The following UBXN2B variants were observed in gnomAD, a reference collection of about 807,000 sequenced individuals.
UBXN2B encodes UBX domain protein 2B.
Under a neutral mutation model 37.5 loss-of-function variants are expected in UBXN2B, and 19 were observed. The observed-to-expected ratio is 0.51, with a 90% CI of 0.35 to 0.74. The LOEUF (loss-of-function observed/expected upper bound fraction) is 0.74, where lower values mean the gene tolerates loss of function less well. Ranked by LOEUF, UBXN2B falls within the 30% of genes least tolerant of loss-of-function variation. The probability of loss-of-function intolerance (pLI) is 0.01; values close to 1 mark genes in which losing one functional copy is unlikely to be tolerated. For synonymous variants in UBXN2B, 145 were observed against 143.8 expected (o/e 1.01, Z -0.06); for missense variants, 370 against 393.2 (o/e 0.94, Z 0.50).
At chr8:58,411,564 G>T (rs955874024) in intron 1 of UBXN2B, 95 bp downstream of exon 1, 1 of 1,052,232 alleles carries the variant, frequency 9.5e-7, no homozygotes, top group Non-Finnish European at 1.2e-6. Flanking sequence ...TGGCCTCGGC[G>T]GAGCCTTTCC....
chr8:58,427,336 G>A (rs557089155), intron 2 of UBXN2B, among the ~76,000 whole-genome samples: 14 of 152,282 alleles, frequency 9.2e-5, no homozygotes, highest in South Asian at 6.2e-4. Flanking sequence ...GGTGGTGCAC[G>A]CCTGTAGTCC....
intron 2 of UBXN2B, among the ~76,000 whole-genome samples, chr8:58,427,684 T>A (rs2129604073): frequency 6.6e-6 from 1 of 152,324 alleles, no homozygotes; most frequent in Non-Finnish European, 1.5e-5. Flanking sequence ...TAGAAATAGC[T>A]TCAGTTTTGG....
rs374920300 is a variant in UBXN2B at position 58,446,058 on chromosome 8, A to G, written c.823A>G (p.Ser275Gly). ...GAGTCGTTTGATACAAAGATTCAAT[A>G]GTACACACAGGTAAGCTTCTTTACC... ...DGSRLIQRFNSTHRILDVRNF... is the reference protein window; with the variant it reads ...DGSRLIQRFNGTHRILDVRNF... Residue 275 changes from serine (S) to glycine (G), a missense_variant, in exon 7 of 8, where the codon AGT (serine) becomes GGT (glycine). Coordinates refer to ENST00000399598, the MANE Select transcript of UBXN2B (RefSeq NM_001077619.2). 4.3e-6 allele frequency: 7 copies of G among 1,609,610 alleles called. No individual in the cohort carries two copies. The highest frequency in any genetic ancestry group is 5.9e-6 in the Non-Finnish European group (7 of 1,178,772).
intron 6 of UBXN2B, among the ~76,000 whole-genome samples, chr8:58,443,399 C>A (rs1211206280): frequency 2.0e-5 from 3 of 152,026 alleles, no homozygotes; most frequent in African/African-American, 2.4e-5. Flanking sequence ...AAAAAATTTT[C>A]TTTTTAATGT....
chr8:58,436,303 G>C (rs1808409996), intron 5 of UBXN2B, among the ~76,000 whole-genome samples: 1 of 152,144 alleles, frequency 6.6e-6, no homozygotes, highest in Non-Finnish European at 1.5e-5. Flanking sequence ...AGATTTCAAA[G>C]TATATTAATA....
At position 58,435,555 on chromosome 8, in the gene UBXN2B, A is replaced by G. The variant is rs117150111; in HGVS notation, c.533+1051A>G. Among the ~76,000 whole-genome samples, 167 of 152,310 alleles carry G rather than the reference A, an allele frequency of 1.1e-3. 2 individuals are homozygous for G. The East Asian group carries it at 0.028, about 26-fold the overall frequency. Reference sequence around the variant, plus strand: ...GAATCACTGGGAAGAGCTGCGAGCAACTAGGTGGGGGAAGTTTTGATTGGC... The same window carrying G: ...GAATCACTGGGAAGAGCTGCGAGCAGCTAGGTGGGGGAAGTTTTGATTGGC... On this transcript the variant is annotated intron_variant, in intron 5 of 7. Coordinates refer to ENST00000399598, the MANE Select transcript of UBXN2B (RefSeq NM_001077619.2).
At position 58,411,484 on chromosome 8, in the gene UBXN2B, C is replaced by CG; in HGVS notation, c.84+20dup. 8.0e-7 allele frequency: 1 copy of CG among 1,249,118 alleles called. No homozygotes were observed. Among genetic ancestry groups the CG allele is most frequent in the Non-Finnish European group, 1.0e-6 (1 of 992,356 alleles). 77.4% of individuals were successfully genotyped at this position (1,249,118 alleles called of 1,614,324 possible). A position where few individuals can be genotyped will look rare whatever the true frequency, so the allele number is the denominator to read the frequency against. ...GGGATTTGCAGGTGAGGCGAGGAGCCGGGGGAGGGAGCGCGGCGGTGGACG... is the reference window on the plus strand; with the variant it reads ...GGGATTTGCAGGTGAGGCGAGGAGCCGGGGGGAGGGAGCGCGGCGGTGGACG... On this transcript the variant is annotated intron_variant, in intron 1 of 7. Transcript: ENST00000399598.
chr8:58,446,986 C>T (rs1267177842), intron 7 of UBXN2B, among the ~76,000 whole-genome samples: 7 of 151,224 alleles, frequency 4.6e-5, no homozygotes, highest in Admixed American at 2.0e-4. Flanking sequence ...TTAGTAGAGA[C>T]GGGGTTTTCA....
At chr8:58,432,404 A>G (rs1353228463) in intron 3 of UBXN2B, among the ~76,000 whole-genome samples, 24 of 74,768 alleles carry the variant, frequency 3.2e-4, no homozygotes, top group African/African-American at 1.2e-3. Flanking sequence ...TTTTTTTGAG[A>G]CAGGGTCTCG....
At chr8:58,429,648 G>A (rs897318314) in intron 2 of UBXN2B, among the ~76,000 whole-genome samples, 9 of 152,178 alleles carry the variant, frequency 5.9e-5, no homozygotes, top group African/African-American at 2.2e-4. Context: ...TTAGGAGAAA[G>A]CCTTGAAGGT....
chr8:58,425,458 A>T, intron 2 of UBXN2B: 1 of 1,130,696 alleles, frequency 8.8e-7, no homozygotes, highest in Non-Finnish European at 1.3e-6. Flanking sequence ...ATTTGCATTG[A>T]TGTCATCTGA....
At position 58,449,228 on chromosome 8, in the gene UBXN2B, A is replaced by G. The variant is rs1418900975; in HGVS notation, c.*1677A>G. On this transcript the variant is annotated 3_prime_UTR_variant, in exon 8 of 8. Transcript: ENST00000399598. Reference sequence around the variant, plus strand: ...ATCTGCAAAATCTCTTTTACCATCTAAGGTTACATACAGGTTTGGAGATTA... The same window carrying G: ...ATCTGCAAAATCTCTTTTACCATCTGAGGTTACATACAGGTTTGGAGATTA... The G allele has an allele frequency of 6.6e-6, 1 of 152,180 alleles. No individual in the cohort carries two copies. Among genetic ancestry groups the G allele is most frequent in the Non-Finnish European group, 1.5e-5 (1 of 68,028 alleles). 9.4% of individuals were successfully genotyped at this position (152,180 alleles called of 1,614,324 possible). A position where few individuals can be genotyped will look rare whatever the true frequency, so the allele number is the denominator to read the frequency against.
At position 58,449,882 on chromosome 8, in the gene UBXN2B, CGTT is replaced by C. The variant is rs1489085009; in HGVS notation, c.*2334_*2336del. On this transcript the variant is annotated 3_prime_UTR_variant, in exon 8 of 8. Coordinates refer to ENST00000399598, the MANE Select transcript of UBXN2B (RefSeq NM_001077619.2). Reference sequence around the variant, plus strand: ...AATGGTGGTGCTTCTGCTGCTATAACGTTGTCAAGAAACTTGTGGGTCTTTTAC... The same window carrying C: ...AATGGTGGTGCTTCTGCTGCTATAACGTCAAGAAACTTGTGGGTCTTTTAC... The C allele has an allele frequency of 1.3e-5, 2 of 152,192 alleles. No individual in the cohort carries two copies. Among genetic ancestry groups the C allele is most frequent in the African/African-American group, 2.4e-5 (1 of 41,438 alleles). The allele number at this position is 152,192 out of a possible 1,614,324, so 9.4% of individuals were successfully genotyped here.
At chr8:58,428,647 G>C (rs975219733) in intron 2 of UBXN2B, among the ~76,000 whole-genome samples, 2 of 152,158 alleles carry the variant, frequency 1.3e-5, no homozygotes, top group Non-Finnish European at 2.9e-5. Context: ...TAATAAGTTA[G>C]TTTGAATGAG....
intron 5 of UBXN2B, chr8:58,435,201 T>C: frequency 8.3e-7 from 1 of 1,203,636 alleles, no homozygotes; most frequent in Non-Finnish European, 1.1e-6. Flanking sequence ...GATCAGAGTT[T>C]TACTGTATAT....
chr8:58,434,470 AC>A lies in UBXN2B; in HGVS notation c.500del (p.Thr167LysfsTer27), dbSNP rs1408391477. 6.4e-7 allele frequency: 1 copy of A among 1,565,082 alleles called. No individual in the cohort carries two copies. Among genetic ancestry groups the A allele is most frequent in the African/African-American group, 1.4e-5 (1 of 73,140 alleles). On this transcript the variant is annotated frameshift_variant, in exon 5 of 8. Transcript: ENST00000399598. LOFTEE classifies it high-confidence loss of function. Reference protein sequence around the residue: ...DGELRPYNEPTNAQFLESVKR... With the variant: ...DGELRPYNEPXNAQFLESVKR... ...AGAATTGAGACCTTACAATGAACCA[AC>A]AAATGCTCAATTTCTGGAGTCTGTT...
At chr8:58,425,811 G>C in intron 2 of UBXN2B, 2 of 1,166,732 alleles carry the variant, frequency 1.7e-6, no homozygotes, top group Middle Eastern at 2.8e-4. Context: ...GAATCATACC[G>C]TTCTCCTCCA....
intron 2 of UBXN2B, chr8:58,426,490 G>A (rs1808095187): frequency 2.8e-6 from 2 of 709,058 alleles, no homozygotes; most frequent in Non-Finnish European, 2.7e-6. Context: ...TTACAGGTGT[G>A]AACCACCGTG....
At chr8:58,418,939 TATC>T (rs1563456851) in intron 2 of UBXN2B, among the ~76,000 whole-genome samples, 1 of 152,224 alleles carries the variant, frequency 6.6e-6, no homozygotes, top group African/African-American at 2.4e-5. Flanking sequence ...TTTGAGTTCT[TATC>T]ATAAGATTAC....
Sources: gnomAD v4.1 joint callset for allele counts (sites outside exome capture counted in the v4.1 genomes callset) on GRCh38, gnomAD v4.1.1 for gene constraint, MANE v1.5 for transcripts, NCBI Gene and HGNC (gene_info 2026-07-23, HGNC 2026-07-21) for gene names.